Variants in GALNT13 observed in about 807,000 individuals in gnomAD.
GALNT13 encodes the protein UDP-GalNAc:polypeptide N-acetylgalactosaminyltransferase 13.
A neutral mutation model predicts 64.2 loss-of-function variants in GALNT13; 28 were observed. The observed-to-expected ratio is 0.44, with a 90% CI of 0.32 to 0.60. GALNT13 has a LOEUF of 0.60. Ranked by LOEUF, GALNT13 falls within the 20% of genes least tolerant of loss-of-function variation. The pLI is 0.05. For synonymous variants in GALNT13, 214 were observed against 224.6 expected, an observed-to-expected ratio of 0.95 and a Z score of 0.42; for missense variants, 577 against 669.8, an observed-to-expected ratio of 0.86 and a Z score of 1.53.
At chr2:154,012,013 A>G (rs947955069) in intron 3 of GALNT13, among the ~76,000 whole-genome samples, 1 of 152,120 alleles carries the variant, frequency 6.6e-6, no homozygotes, top group Non-Finnish European at 1.5e-5. Flanking sequence ...TTTATTTTTT[A>G]TCCAACTTGC....
chr2:154,082,611 G>C (rs1004911634), intron 3 of GALNT13, among the ~76,000 whole-genome samples: 3 of 151,640 alleles, frequency 2.0e-5, no homozygotes, highest in African/African-American at 7.3e-5. Context: ...TTCTGAGTTG[G>C]AGAAAGAGCA....
the GALNT13 span, among the ~76,000 whole-genome samples, chr2:153,221,563 GTGCCTT>G: frequency 3.3e-5 from 5 of 152,190 alleles, no homozygotes; most frequent in African/African-American, 7.2e-5. Context: ...GTGGCTGTGG[GTGCCTT>G]TGCCGGAGTT....
intron 3 of GALNT13, among the ~76,000 whole-genome samples, chr2:154,106,562 G>A (rs1282257020): frequency 2.0e-5 from 3 of 151,734 alleles, no homozygotes; most frequent in Non-Finnish European, 2.9e-5. Context: ...ATACCAGAGT[G>A]TGTTGATTAT....
the GALNT13 span, among the ~76,000 whole-genome samples, chr2:153,214,541 C>T: frequency 6.6e-6 from 1 of 152,156 alleles, no homozygotes; most frequent in East Asian, 1.9e-4. Flanking sequence ...TTGTCACAAG[C>T]AATTACAGCA....
At chr2:153,570,671 A>T in the GALNT13 span, among the ~76,000 whole-genome samples, 1 of 152,138 alleles carries the variant, frequency 6.6e-6, no homozygotes, top group Non-Finnish European at 1.5e-5. Context: ...ATTCTTCTGC[A>T]TATGGATATC....
the GALNT13 span, among the ~76,000 whole-genome samples, chr2:153,082,274 G>C: frequency 6.6e-6 from 1 of 151,876 alleles, no homozygotes; most frequent in Admixed American, 6.6e-5. Flanking sequence ...AGTGTACACT[G>C]TACTCAGTGT....
At chr2:153,734,847 T>C in the GALNT13 span, among the ~76,000 whole-genome samples, 1 of 152,152 alleles carries the variant, frequency 6.6e-6, no homozygotes, top group African/African-American at 2.4e-5. Context: ...TTTCCCATAA[T>C]TGTTGGCATT....
chr2:153,478,369 G>A, the GALNT13 span: 1 of 1,613,750 alleles, frequency 6.2e-7, no homozygotes. Flanking sequence ...CACGGTGAGT[G>A]AGAGCACGCA....
intron 12 of GALNT13, among the ~76,000 whole-genome samples, chr2:154,443,948 G>A (rs1484107876): frequency 6.6e-6 from 1 of 152,130 alleles, no homozygotes; most frequent in Non-Finnish European, 1.5e-5. Flanking sequence ...TTAGGGTTTA[G>A]ATGATCCTAT....
At chr2:154,128,099 T>C (rs994456949) in intron 3 of GALNT13, among the ~76,000 whole-genome samples, 5 of 152,058 alleles carry the variant, frequency 3.3e-5, no homozygotes, top group Non-Finnish European at 2.9e-5. Context: ...GGCCAGGGTA[T>C]GTTTGACAAT....
At chr2:153,294,891 A>G in the GALNT13 span, among the ~76,000 whole-genome samples, 2 of 152,186 alleles carry the variant, frequency 1.3e-5, no homozygotes, top group African/African-American at 4.8e-5. Flanking sequence ...ACTGTATCTT[A>G]CAGGCCTCTA....
chr2:153,865,448 T>C, the GALNT13 span, among the ~76,000 whole-genome samples: 2 of 143,788 alleles, frequency 1.4e-5, no homozygotes, highest in South Asian at 4.5e-4. Flanking sequence ...TACAATGAAC[T>C]CAAACAAATT....
the GALNT13 span, among the ~76,000 whole-genome samples, chr2:153,697,709 C>T: frequency 1.3e-5 from 2 of 152,154 alleles, no homozygotes; most frequent in Admixed American, 1.3e-4. Flanking sequence ...AAGCGGAAAG[C>T]TGATCACAAA....
the GALNT13 span, among the ~76,000 whole-genome samples, chr2:153,852,624 AGACTT>A: frequency 6.6e-6 from 1 of 152,224 alleles, no homozygotes; most frequent in Non-Finnish European, 1.5e-5. Context: ...AGTGTATGAA[AGACTT>A]GAAGAACACT....
chr2:153,100,115 GT>G, the GALNT13 span, among the ~76,000 whole-genome samples: 1 of 152,168 alleles, frequency 6.6e-6, no homozygotes, highest in South Asian at 2.1e-4. Context: ...GGATCAGATG[GT>G]TTCTCAAAGT....
At chr2:154,398,127 T>A (rs150770979) in intron 10 of GALNT13, among the ~76,000 whole-genome samples, 1 of 152,222 alleles carries the variant, frequency 6.6e-6, no homozygotes, top group African/African-American at 2.4e-5. Flanking sequence ...AAAATTTGTT[T>A]GAACATTCAT....
the GALNT13 span, among the ~76,000 whole-genome samples, chr2:153,338,174 T>C: frequency 3.3e-5 from 5 of 152,078 alleles, no homozygotes; most frequent in Non-Finnish European, 5.9e-5. Flanking sequence ...ACAGTGGTAG[T>C]CCTAGCTACT....
chr2:153,635,304 C>T, the GALNT13 span, among the ~76,000 whole-genome samples: 2 of 150,590 alleles, frequency 1.3e-5, no homozygotes, highest in Non-Finnish European at 3.0e-5. Context: ...TTTTCTTTTG[C>T]TTCAGGTAAT....
At chr2:153,174,692 A>T in the GALNT13 span, among the ~76,000 whole-genome samples, 1 of 152,176 alleles carries the variant, frequency 6.6e-6, no homozygotes, top group East Asian at 1.9e-4. Context: ...TTTCTACCCA[A>T]CAAAATATAA....
Sources: allele counts gnomAD v4.1 joint callset (sites outside exome capture counted in the v4.1 genomes callset), GRCh38; gene constraint gnomAD v4.1.1; transcripts MANE v1.5; gene names NCBI Gene and HGNC (gene_info 2026-07-23, HGNC 2026-07-21).